Variants in GABRB1 observed in about 807,000 individuals in gnomAD.
The protein encoded by GABRB1 is gamma-aminobutyric acid receptor subunit beta-1.
In GABRB1, 17 loss-of-function variants were observed where a neutral mutation model predicts 51.6. That is an observed-to-expected ratio of 0.33 (90% confidence interval 0.23 to 0.49). The LOEUF (loss-of-function observed/expected upper bound fraction) is 0.49. GABRB1 is among the 20% of genes least tolerant of loss of function. The pLI, the probability that GABRB1 is intolerant of heterozygous loss-of-function variation, is 0.99. For synonymous variants in GABRB1, 247 were observed against 218.9 expected (o/e 1.13, Z -1.14); for missense variants, 410 against 600.6 (o/e 0.68, Z 3.32).
At chr4:47,313,325 G>T (rs1724774061) in intron 4 of GABRB1, among the ~76,000 whole-genome samples, 2 of 152,178 alleles carry the variant, frequency 1.3e-5, no homozygotes, top group Non-Finnish European at 2.9e-5. Flanking sequence ...TCACACACCA[G>T]AATGAAAATC....
At chr4:47,260,206 G>C (rs992833855) in intron 4 of GABRB1, among the ~76,000 whole-genome samples, 3 of 151,374 alleles carry the variant, frequency 2.0e-5, no homozygotes, top group African/African-American at 7.3e-5. Context: ...CTTTTATTTT[G>C]AGCCTATGTG....
At chr4:47,051,640 G>A (rs553336569) in intron 3 of GABRB1, among the ~76,000 whole-genome samples, 19 of 152,228 alleles carry the variant, frequency 1.2e-4, no homozygotes, top group African/African-American at 3.4e-4. Context: ...GGGAAGAGAA[G>A]AGCCATGTAT....
At chr4:47,121,204 T>C (rs189979894) in intron 3 of GABRB1, among the ~76,000 whole-genome samples, 2 of 152,264 alleles carry the variant, frequency 1.3e-5, no homozygotes, top group East Asian at 1.9e-4. Flanking sequence ...GCTCCCTCCA[T>C]GTCCATGTGT....
intron 4 of GABRB1, among the ~76,000 whole-genome samples, chr4:47,164,569 G>A (rs2109743473): frequency 6.6e-6 from 1 of 152,168 alleles, no homozygotes; most frequent in East Asian, 1.9e-4. Context: ...GCAATCATGG[G>A]ATCAATGAGA....
chr4:47,234,654 C>A (rs930637088), intron 4 of GABRB1, among the ~76,000 whole-genome samples: 5 of 152,074 alleles, frequency 3.3e-5, no homozygotes, highest in African/African-American at 1.2e-4. Flanking sequence ...GTAAAACTGC[C>A]ATCTTAAATT....
intron 4 of GABRB1, among the ~76,000 whole-genome samples, chr4:47,185,342 C>A (rs1352586773): frequency 2.0e-5 from 3 of 151,814 alleles, no homozygotes; most frequent in Admixed American, 2.0e-4. Flanking sequence ...TCTCTTAGTC[C>A]TTTTCCTTCC....
At chr4:47,277,755 T>C (rs1034752286) in intron 4 of GABRB1, among the ~76,000 whole-genome samples, 1 of 152,092 alleles carries the variant, frequency 6.6e-6, no homozygotes, top group Non-Finnish European at 1.5e-5. Context: ...ATTGCAGGTA[T>C]TTCAAAATTT....
At chr4:47,113,258 C>T (rs1427141907) in intron 3 of GABRB1, among the ~76,000 whole-genome samples, 1 of 151,870 alleles carries the variant, frequency 6.6e-6, no homozygotes, top group Non-Finnish European at 1.5e-5. Context: ...TGGTGTCGTG[C>T]ACCTGTAATC....
intron 4 of GABRB1, among the ~76,000 whole-genome samples, chr4:47,267,181 A>C (rs1275204560): frequency 6.6e-6 from 1 of 152,150 alleles, no homozygotes; most frequent in African/African-American, 2.4e-5. Context: ...AAACAGAGAC[A>C]GCAAACAAGA....
chr4:47,100,902 A>T (rs1400877315), intron 3 of GABRB1, among the ~76,000 whole-genome samples: 1 of 151,978 alleles, frequency 6.6e-6, no homozygotes, highest in Non-Finnish European at 1.5e-5. Context: ...AGCTTTCTTA[A>T]AGTCAAGAAA....
chr4:47,361,812 C>A (rs1334006697), intron 5 of GABRB1, among the ~76,000 whole-genome samples: 1 of 152,024 alleles, frequency 6.6e-6, no homozygotes. Flanking sequence ...ATGGGGAAAT[C>A]AAAAAGTCAT....
At chr4:47,066,733 A>C (rs1161795891) in intron 3 of GABRB1, among the ~76,000 whole-genome samples, 1 of 152,130 alleles carries the variant, frequency 6.6e-6, no homozygotes, top group African/African-American at 2.4e-5. Context: ...TCTGTAGTCA[A>C]TTCCTCCACT....
chr4:47,167,949 A>C (rs1355407694), intron 4 of GABRB1, among the ~76,000 whole-genome samples: 1 of 152,172 alleles, frequency 6.6e-6, no homozygotes, highest in Non-Finnish European at 1.5e-5. Context: ...ATAGCAACAC[A>C]AAATGGACTA....
At position 46,997,706 on chromosome 4, in the gene GABRB1, A is replaced by G. The variant is rs534548964; in HGVS notation, c.-20+3780A>G. 4.9e-4 allele frequency among the ~76,000 whole-genome samples: 75 copies of G among 152,062 alleles called. 1 individual carries two copies. Among genetic ancestry groups the G allele is most frequent in the African/African-American group, 1.7e-3 (71 of 41,520 alleles). On this transcript the variant is annotated intron_variant, in intron 1 of 3. Transcript: ENST00000513567. ...TATCCCTTCTTTTACAAAGCTGTAC[A>G]TATAGATGTGTGTGTATATATATGT...
intron 5 of GABRB1, among the ~76,000 whole-genome samples, chr4:47,341,968 G>A (rs1358297426): frequency 6.6e-6 from 1 of 152,078 alleles, no homozygotes; most frequent in Admixed American, 6.6e-5. Flanking sequence ...AGATTATTTA[G>A]GTCAACTCCC....
intron 4 of GABRB1, among the ~76,000 whole-genome samples, chr4:47,283,356 C>CCTTT (rs1723367630): frequency 3.9e-5 from 3 of 77,298 alleles, no homozygotes; most frequent in South Asian, 4.5e-4. Context: ...CTGGTGGCCC[C>CCTTT]TTTTTTTTTT....
chr4:47,086,678 G>A (rs1345374290), intron 3 of GABRB1, among the ~76,000 whole-genome samples: 1 of 152,148 alleles, frequency 6.6e-6, no homozygotes, highest in African/African-American at 2.4e-5. Context: ...ATGCTCCTGT[G>A]CCTGTCAGAT....
At chr4:47,365,465 G>A (rs1182662665) in intron 5 of GABRB1, among the ~76,000 whole-genome samples, 2 of 152,138 alleles carry the variant, frequency 1.3e-5, no homozygotes, top group Non-Finnish European at 2.9e-5. Context: ...GGGATTTGGG[G>A]TAAGGATTGT....
chr4:47,140,477 T>C (rs1716887355), intron 3 of GABRB1, among the ~76,000 whole-genome samples: 1 of 151,934 alleles, frequency 6.6e-6, no homozygotes, highest in South Asian at 2.1e-4. Context: ...AAAGAGCTCC[T>C]AAACACTTTT....
Sources: allele counts gnomAD v4.1 joint callset (sites outside exome capture counted in the v4.1 genomes callset), GRCh38; gene constraint gnomAD v4.1.1; transcripts MANE v1.5; gene names NCBI Gene and HGNC (gene_info 2026-07-23, HGNC 2026-07-21).